The following RIMS1 variants were observed in gnomAD, a reference collection of about 807,000 sequenced individuals.
RIMS1 encodes regulating synaptic membrane exocytosis 1.
A neutral mutation model predicts 214.1 loss-of-function variants in RIMS1; 83 were observed. The observed-to-expected ratio is 0.39, with a 90% CI of 0.32 to 0.47. The LOEUF (loss-of-function observed/expected upper bound fraction) is 0.47, where lower values mean the gene tolerates loss of function less well. RIMS1 is among the 20% of genes least tolerant of loss of function. The pLI is 0.99. For synonymous variants in RIMS1, 793 were observed against 786.8 expected (o/e 1.01, Z -0.13); for missense variants, 2,050 against 2,161.8 (o/e 0.95, Z 1.03).
chr6:72,295,739 T>C (rs2094001158), intron 26 of RIMS1, among the ~76,000 whole-genome samples: 1 of 151,838 alleles, frequency 6.6e-6, no homozygotes, highest in Non-Finnish European at 1.5e-5. Context: ...TAAATTGCTG[T>C]ATTCATTCTT....
chr6:72,056,742 A>G (rs1197410372), intron 2 of RIMS1, among the ~76,000 whole-genome samples: 1 of 152,182 alleles, frequency 6.6e-6, no homozygotes, highest in Admixed American at 6.5e-5. Context: ...TTCATTTAGC[A>G]CTTTTACTTT....
At chr6:72,308,722 T>C (rs1487298888) in intron 27 of RIMS1, among the ~76,000 whole-genome samples, 1 of 152,184 alleles carries the variant, frequency 6.6e-6, no homozygotes, top group African/African-American at 2.4e-5. Context: ...GGAGGGTCAC[T>C]GTGATTCAGT....
intron 31 of RIMS1, 23 bp from the exon 32 acceptor site, chr6:72,398,226 A>G (rs1230999699): frequency 4.8e-6 from 7 of 1,472,546 alleles, no homozygotes; most frequent in African/African-American, 1.4e-5. Context: ...GCTGAAACAC[A>G]TCTTGCTCCT....
At chr6:72,086,213 G>A (rs1834622007) in intron 2 of RIMS1, among the ~76,000 whole-genome samples, 1 of 152,110 alleles carries the variant, frequency 6.6e-6, no homozygotes, top group African/African-American at 2.4e-5. Flanking sequence ...AGCGTTGAAG[G>A]AGACGACAAA....
intron 2 of RIMS1, among the ~76,000 whole-genome samples, chr6:72,033,396 T>C (rs1247977709): frequency 4.6e-5 from 7 of 152,238 alleles, no homozygotes; most frequent in Admixed American, 4.6e-4. Flanking sequence ...AATTACCTAA[T>C]AAACAATCAT....
chr6:72,007,387 A>C (rs902356407), intron 2 of RIMS1, among the ~76,000 whole-genome samples: 1 of 152,234 alleles, frequency 6.6e-6, no homozygotes, highest in African/African-American at 2.4e-5. Context: ...AACAGAGCAG[A>C]AAAACTGAAA....
At chr6:72,110,621 C>G (rs2035866679) in intron 4 of RIMS1, among the ~76,000 whole-genome samples, 2 of 150,092 alleles carry the variant, frequency 1.3e-5, no homozygotes, top group South Asian at 4.3e-4. Flanking sequence ...ATGGGGTTTT[C>G]TAGATATACA....
chr6:71,997,239 TG>T (rs1421430069), intron 2 of RIMS1, among the ~76,000 whole-genome samples: 1 of 152,130 alleles, frequency 6.6e-6, no homozygotes, highest in East Asian at 1.9e-4. Context: ...GATTAAACCT[TG>T]ACATAAGTTT....
chr6:72,266,711 A>G (rs1210241561), intron 22 of RIMS1, among the ~76,000 whole-genome samples: 3 of 152,112 alleles, frequency 2.0e-5, no homozygotes, highest in Non-Finnish European at 4.4e-5. Context: ...GTTGTGTTAC[A>G]CTATCTCCTA....
intron 29 of RIMS1, among the ~76,000 whole-genome samples, chr6:72,380,303 G>T (rs1169815403): frequency 2.0e-5 from 3 of 152,140 alleles, no homozygotes; most frequent in Non-Finnish European, 4.4e-5. Flanking sequence ...TGTAAATGAT[G>T]AGTTAATGGG....
chr6:72,210,214 A>T (rs2496532), intron 6 of RIMS1, among the ~76,000 whole-genome samples: 80,523 of 152,034 alleles, frequency 0.53, 23,188 homozygotes, highest in East Asian at 0.83. Flanking sequence ...CAAAAATCAG[A>T]ATACACAGTA....
chr6:72,264,088 T>C (rs773268198), intron 19 of RIMS1: 2 of 807,342 alleles, frequency 2.5e-6, no homozygotes, highest in Non-Finnish European at 3.0e-6. Context: ...TAAACATGAT[T>C]AAACCAGTGA....
At chr6:71,970,979 G>A (rs1458186172) in intron 2 of RIMS1, among the ~76,000 whole-genome samples, 1 of 151,928 alleles carries the variant, frequency 6.6e-6, no homozygotes, top group Non-Finnish European at 1.5e-5. Context: ...TTTTCAGTGG[G>A]TCTGAAAATC....
intron 29 of RIMS1, among the ~76,000 whole-genome samples, chr6:72,373,486 C>T (rs1238693180): frequency 1.3e-5 from 2 of 152,168 alleles, no homozygotes; most frequent in African/African-American, 2.4e-5. Context: ...CCTCCTACTC[C>T]TCAAATTATC....
chr6:72,040,579 A>C (rs1160084977), intron 2 of RIMS1, among the ~76,000 whole-genome samples: 1 of 151,920 alleles, frequency 6.6e-6, no homozygotes, highest in Admixed American at 6.6e-5. Context: ...TTAGACCTGT[A>C]CTGTTTCATA....
chr6:72,243,052 C>T (rs1304016241), intron 10 of RIMS1, among the ~76,000 whole-genome samples: 1 of 151,698 alleles, frequency 6.6e-6, no homozygotes, highest in African/African-American at 2.4e-5. Context: ...TTCCCCATAT[C>T]GTTGCCTTTT....
At chr6:71,992,938 G>C (rs1221842070) in intron 2 of RIMS1, among the ~76,000 whole-genome samples, 1 of 152,184 alleles carries the variant, frequency 6.6e-6, no homozygotes. Context: ...AGGGATTACA[G>C]GTGTGAGCCA....
intron 22 of RIMS1, among the ~76,000 whole-genome samples, chr6:72,268,822 A>G (rs1269489741): frequency 6.6e-6 from 1 of 152,190 alleles, no homozygotes; most frequent in Non-Finnish European, 1.5e-5. Context: ...AATTCAGTGA[A>G]TTATTCCAAT....
intron 1 of RIMS1, among the ~76,000 whole-genome samples, chr6:71,921,909 A>C (rs1780120728): frequency 6.6e-6 from 1 of 152,110 alleles, no homozygotes. Flanking sequence ...CACTTATCTC[A>C]AGTGATTGTT....
Sources: allele counts gnomAD v4.1 joint callset (sites outside exome capture counted in the v4.1 genomes callset), GRCh38; gene constraint gnomAD v4.1.1; transcripts MANE v1.5; gene names NCBI Gene and HGNC (gene_info 2026-07-23, HGNC 2026-07-21).